Variants in ELOVL6 observed in about 807,000 individuals in gnomAD.
ELOVL6 encodes the protein very long chain fatty acid elongase 6.
In ELOVL6, 8 loss-of-function variants were observed where a neutral mutation model predicts 31.7. The ratio of observed to expected loss-of-function variants is 0.25; its 90% CI spans 0.15 to 0.45. The LOEUF is 0.45. ELOVL6 is among the 20% of genes least tolerant of loss of function. The pLI is 1.00. For synonymous variants in ELOVL6, 101 were observed against 117.7 expected (o/e 0.86, Z 0.92); for missense variants, 126 against 326.4 (o/e 0.39, Z 4.73).
chr4:110,178,407 TG>T (rs1185863408), intron 1 of ELOVL6, among the ~76,000 whole-genome samples: 11 of 151,994 alleles, frequency 7.2e-5, no homozygotes, highest in Non-Finnish European at 1.5e-4. Context: ...CCGAGTGTGG[TG>T]GCGCACGCCT....
chr4:110,179,715 T>C (rs775979213), intron 1 of ELOVL6, among the ~76,000 whole-genome samples: 8 of 152,198 alleles, frequency 5.3e-5, no homozygotes, highest in African/African-American at 7.2e-5. Flanking sequence ...GTCCTAGATA[T>C]TGCATATAAA....
intron 1 of ELOVL6, among the ~76,000 whole-genome samples, chr4:110,108,146 A>G (rs954412642): frequency 2.6e-5 from 4 of 152,192 alleles, no homozygotes; most frequent in African/African-American, 9.7e-5. Context: ...TGAGCCTGGG[A>G]AGCTTTCATC....
chr4:110,185,745 A>G (rs1196827197), intron 1 of ELOVL6, among the ~76,000 whole-genome samples: 1 of 152,204 alleles, frequency 6.6e-6, no homozygotes, highest in African/African-American at 2.4e-5. Context: ...CCTGTCTTTC[A>G]GGTCAATATG....
At chr4:110,169,063 GCAATTCTCC>G (rs1758863320) in intron 1 of ELOVL6, among the ~76,000 whole-genome samples, 1 of 152,008 alleles carries the variant, frequency 6.6e-6, no homozygotes, top group Non-Finnish European at 1.5e-5. Context: ...TTGGGCTCAA[GCAATTCTCC>G]CATCTCAGCC....
At chr4:110,193,358 A>T (rs2126282918) in intron 1 of ELOVL6, among the ~76,000 whole-genome samples, 1 of 152,322 alleles carries the variant, frequency 6.6e-6, no homozygotes, top group Non-Finnish European at 1.5e-5. Context: ...TTATCTCAGC[A>T]CTTTCGGAGG....
chr4:110,094,075 G>A (rs1335027139), intron 2 of ELOVL6, among the ~76,000 whole-genome samples: 5 of 151,592 alleles, frequency 3.3e-5, no homozygotes, highest in Admixed American at 2.0e-4. Context: ...CATGGCAAAA[G>A]CCCGTCTCTA....
At chr4:110,152,110 T>G (rs1402898138) in intron 1 of ELOVL6, among the ~76,000 whole-genome samples, 1 of 152,244 alleles carries the variant, frequency 6.6e-6, no homozygotes, top group Non-Finnish European at 1.5e-5. Context: ...AGCTGACTGC[T>G]ATTGATTTGG....
chr4:110,092,772 G>T (rs1020170544), intron 2 of ELOVL6, among the ~76,000 whole-genome samples: 2 of 151,826 alleles, frequency 1.3e-5, no homozygotes, highest in Non-Finnish European at 2.9e-5. Context: ...AATTTTTTAA[G>T]GATTCAATTT....
At chr4:110,081,975 C>G (rs1202295343) in intron 2 of ELOVL6, among the ~76,000 whole-genome samples, 1 of 151,178 alleles carries the variant, frequency 6.6e-6, no homozygotes, top group East Asian at 1.9e-4. Context: ...TTTATGCAGC[C>G]AAAAGACACA....
intron 1 of ELOVL6, among the ~76,000 whole-genome samples, chr4:110,163,957 T>C (rs944670867): frequency 3.3e-5 from 5 of 152,180 alleles, no homozygotes; most frequent in Non-Finnish European, 5.9e-5. Flanking sequence ...GCCCTGGTTG[T>C]GACATGACAT....
chr4:110,132,036 T>C (rs543672507), intron 1 of ELOVL6, among the ~76,000 whole-genome samples: 28 of 152,156 alleles, frequency 1.8e-4, no homozygotes, highest in Non-Finnish European at 4.1e-4. Flanking sequence ...GGGTGCAGGT[T>C]GAAGGACCTG....
chr4:110,122,669 C>A (rs1757387325), intron 1 of ELOVL6, among the ~76,000 whole-genome samples: 1 of 152,212 alleles, frequency 6.6e-6, no homozygotes, highest in African/African-American at 2.4e-5. Context: ...TGAGGCACTG[C>A]ACCCGGCCCC....
At chr4:110,118,765 A>G (rs958981089) in intron 1 of ELOVL6, among the ~76,000 whole-genome samples, 5 of 152,182 alleles carry the variant, frequency 3.3e-5, no homozygotes, top group Admixed American at 6.5e-5. Context: ...TATGACATAC[A>G]CTTTAAAAAA....
At chr4:110,196,630 C>G (rs1335329053) in intron 1 of ELOVL6, among the ~76,000 whole-genome samples, 2 of 152,188 alleles carry the variant, frequency 1.3e-5, no homozygotes, top group Admixed American at 1.3e-4. Context: ...CAGCCCTGTG[C>G]CTGTGTGGCT....
intron 1 of ELOVL6, among the ~76,000 whole-genome samples, chr4:110,132,190 A>G (rs902959976): frequency 5.3e-5 from 8 of 152,098 alleles, no homozygotes; most frequent in African/African-American, 1.9e-4. Flanking sequence ...GTAAGGGAGG[A>G]GGAGCGTGCT....
rs533471475 is a variant in ELOVL6 at position 110,050,666 on chromosome 4, C to G, written c.*672G>C. The G allele has an allele frequency of 2.0e-5, 3 of 152,920 alleles. No individual in the cohort carries two copies. Among genetic ancestry groups the G allele is most frequent in the East Asian group, 3.9e-4 (2 of 5,184 alleles). 9.5% of individuals were successfully genotyped at this position (152,920 alleles called of 1,614,324 possible). On this transcript the variant is annotated 3_prime_UTR_variant, in exon 4 of 4. Transcript: ENST00000302274. Reference sequence around the variant, plus strand: ...AAGAATCTTGGGGAAGTATTCACCCCCTTTGGTTTTGGCAAACTCACTAGC... The same window carrying G: ...AAGAATCTTGGGGAAGTATTCACCCGCTTTGGTTTTGGCAAACTCACTAGC...
chr4:110,085,160 T>G (rs1259386962), intron 2 of ELOVL6, among the ~76,000 whole-genome samples: 2 of 152,118 alleles, frequency 1.3e-5, no homozygotes, highest in African/African-American at 4.8e-5. Context: ...TTAGGCAATG[T>G]ATGTGCATGC....
intron 1 of ELOVL6, among the ~76,000 whole-genome samples, chr4:110,186,904 G>T (rs1201792379): frequency 7.6e-6 from 1 of 130,948 alleles, no homozygotes; most frequent in Non-Finnish European, 1.6e-5. Flanking sequence ...CATATATATG[G>T]AATGTTTCAA....
chr4:110,076,910 C>G (rs1349322810), intron 2 of ELOVL6, among the ~76,000 whole-genome samples: 1 of 152,186 alleles, frequency 6.6e-6, no homozygotes, highest in African/African-American at 2.4e-5. Flanking sequence ...TTCCAATGGT[C>G]TTAGCAAACG....
Sources: allele counts gnomAD v4.1 joint callset (sites outside exome capture counted in the v4.1 genomes callset), GRCh38; gene constraint gnomAD v4.1.1; transcripts MANE v1.5; gene names NCBI Gene and HGNC (gene_info 2026-07-23, HGNC 2026-07-21).